The following KCNAB1 variants were observed in gnomAD, a reference collection of about 807,000 sequenced individuals.
KCNAB1 encodes potassium voltage-gated channel subfamily A regulatory beta subunit 1.
Under a neutral mutation model 64.6 loss-of-function variants are expected in KCNAB1, and 35 were observed. The ratio of observed to expected loss-of-function variants is 0.54; its 90% CI spans 0.41 to 0.72. The LOEUF (loss-of-function observed/expected upper bound fraction) is 0.72. KCNAB1 is among the 30% of genes least tolerant of loss of function. KCNAB1 has a pLI of 0.00. For missense variants in KCNAB1, 401 were observed against 512.9 expected (o/e 0.78, Z 2.11); for synonymous variants, 177 against 183.8 (o/e 0.96, Z 0.30).
At chr3:156,235,965 T>C (rs1201200368) in intron 1 of KCNAB1, among the ~76,000 whole-genome samples, 2 of 152,136 alleles carry the variant, frequency 1.3e-5, no homozygotes, top group Admixed American at 1.3e-4. Flanking sequence ...GAGCAATTGC[T>C]CCCAAACCTG....
chr3:156,138,342 C>A (rs923862981), intron 1 of KCNAB1, among the ~76,000 whole-genome samples: 2 of 152,180 alleles, frequency 1.3e-5, no homozygotes, highest in Non-Finnish European at 2.9e-5. Context: ...ATGCGCTGGA[C>A]TGTAGTGTGG....
At chr3:156,299,419 A>G (rs1278415730) in intron 1 of KCNAB1, among the ~76,000 whole-genome samples, 1 of 152,234 alleles carries the variant, frequency 6.6e-6, no homozygotes, top group East Asian at 1.9e-4. Flanking sequence ...GAAGTTGGAC[A>G]TAAATTAACT....
intron 1 of KCNAB1, among the ~76,000 whole-genome samples, chr3:156,275,874 C>G (rs540857338): frequency 1.1e-3 from 175 of 152,256 alleles, no homozygotes; most frequent in Non-Finnish European, 2.0e-3. Context: ...GGGCTGGAAT[C>G]AACTTCTTTC....
chr3:156,253,761 A>G (rs990615630), intron 1 of KCNAB1, among the ~76,000 whole-genome samples: 1 of 152,196 alleles, frequency 6.6e-6, no homozygotes, highest in African/African-American at 2.4e-5. Flanking sequence ...AAAAATGCAG[A>G]TTCTTAGGTC....
intron 2 of KCNAB1, among the ~76,000 whole-genome samples, chr3:156,446,317 C>T (rs1711548463): frequency 6.6e-6 from 1 of 152,194 alleles, no homozygotes; most frequent in African/African-American, 2.4e-5. Flanking sequence ...TAGAGGGATG[C>T]TCCCACCTCC....
intron 1 of KCNAB1, among the ~76,000 whole-genome samples, chr3:156,394,389 G>A (rs1244412659): frequency 6.6e-6 from 1 of 152,194 alleles, no homozygotes; most frequent in Admixed American, 6.5e-5. Flanking sequence ...AGTGGTGGGG[G>A]AAGTTGGGCT....
At chr3:156,171,387 A>C (rs1196348184) in intron 1 of KCNAB1, among the ~76,000 whole-genome samples, 1 of 152,214 alleles carries the variant, frequency 6.6e-6, no homozygotes, top group Non-Finnish European at 1.5e-5. Flanking sequence ...CATTTTAAAC[A>C]CAAATTTCTC....
At chr3:156,293,411 A>C (rs1224630906) in intron 1 of KCNAB1, among the ~76,000 whole-genome samples, 2 of 152,248 alleles carry the variant, frequency 1.3e-5, no homozygotes, top group Non-Finnish European at 2.9e-5. Flanking sequence ...AATGAAAATA[A>C]TGCATAGGCA....
intron 1 of KCNAB1, among the ~76,000 whole-genome samples, chr3:156,290,137 C>T (rs999800300): frequency 1.3e-5 from 2 of 152,178 alleles, no homozygotes; most frequent in African/African-American, 4.8e-5. Context: ...TGTACTTTCT[C>T]TAGTGTACTT....
intron 1 of KCNAB1, among the ~76,000 whole-genome samples, chr3:156,320,667 A>AATAGCTCTT (rs1255777876): frequency 6.6e-6 from 1 of 152,136 alleles, no homozygotes; most frequent in African/African-American, 2.4e-5. Context: ...ATGTTGCTGA[A>AATAGCTCTT]ATAGCTCTTG....
intron 1 of KCNAB1, among the ~76,000 whole-genome samples, chr3:156,142,464 TG>T (rs1714761496): frequency 6.6e-6 from 1 of 152,256 alleles, no homozygotes; most frequent in South Asian, 2.1e-4. Context: ...CATTTATTTT[TG>T]TTTGTTGCTG....
intron 1 of KCNAB1, among the ~76,000 whole-genome samples, chr3:156,317,145 A>G (rs1722326173): frequency 6.6e-6 from 1 of 152,166 alleles, no homozygotes; most frequent in Admixed American, 6.5e-5. Flanking sequence ...ACCGACTTTG[A>G]TCTGCAACCT....
chr3:156,482,726 T>G (rs1714921356), intron 8 of KCNAB1, among the ~76,000 whole-genome samples: 2 of 152,138 alleles, frequency 1.3e-5, no homozygotes, highest in Non-Finnish European at 2.9e-5. Context: ...TAATAATATC[T>G]GCTCTATAGG....
intron 1 of KCNAB1, among the ~76,000 whole-genome samples, chr3:156,316,090 C>T (rs943757924): frequency 6.6e-6 from 1 of 152,186 alleles, no homozygotes; most frequent in African/African-American, 2.4e-5. Context: ...ATTTATGTAG[C>T]AGTCACATCC....
intron 1 of KCNAB1, among the ~76,000 whole-genome samples, chr3:156,287,357 A>C: frequency 1.3e-5 from 2 of 151,918 alleles, no homozygotes; most frequent in Non-Finnish European, 2.9e-5. Flanking sequence ...ATCAAAAAAA[A>C]AAAAAAAAAA....
intron 11 of KCNAB1, among the ~76,000 whole-genome samples, chr3:156,523,564 C>T (rs770647324): frequency 9.9e-5 from 15 of 152,022 alleles, no homozygotes; most frequent in African/African-American, 3.1e-4. Context: ...TTGTATGTCA[C>T]GGTCAGGGTT....
rs555729420 is a variant in KCNAB1 at position 156,499,942 on chromosome 3, C to T, written c.659-14422C>T. ...AAATTGTTGCTTGTCTACCCAGCAG[C>T]CACCCTGCTTTCTCAGGTGCCCAAA... On this transcript the variant is annotated intron_variant, in intron 8 of 13. Coordinates refer to ENST00000490337, the MANE Select transcript of KCNAB1 (RefSeq NM_172160.3). Among the ~76,000 whole-genome samples, 9 of 152,268 alleles carry T rather than the reference C, an allele frequency of 5.9e-5. No homozygotes were observed. In the East Asian group the frequency reaches 1.5e-3, roughly 26 times the overall value.
At chr3:156,372,088 C>G (rs1169782044) in intron 1 of KCNAB1, among the ~76,000 whole-genome samples, 2 of 152,014 alleles carry the variant, frequency 1.3e-5, no homozygotes, top group Non-Finnish European at 2.9e-5. Context: ...CCTTACTGGT[C>G]TCAGGCAAAC....
intron 1 of KCNAB1, among the ~76,000 whole-genome samples, chr3:156,310,782 T>C (rs961318084): frequency 3.9e-5 from 6 of 152,012 alleles, no homozygotes; most frequent in South Asian, 2.1e-4. Flanking sequence ...CCAGCCTGGG[T>C]GACAGAGCGG....
Sources: gnomAD v4.1 joint callset for allele counts (sites outside exome capture counted in the v4.1 genomes callset) on GRCh38, gnomAD v4.1.1 for gene constraint, MANE v1.5 for transcripts, NCBI Gene and HGNC (gene_info 2026-07-23, HGNC 2026-07-21) for gene names.